The following TMEM59 variants were observed in gnomAD, a reference collection of about 807,000 sequenced individuals.
TMEM59 encodes dendritic cell factor 1.
TMEM59 carries 44 observed loss-of-function variants against 42.2 expected under a neutral mutation model. The ratio of observed to expected loss-of-function variants is 1.04; its 90% CI spans 0.82 to 1.34. The LOEUF is 1.34. TMEM59 is among the 40% of genes most tolerant of loss of function. The probability of loss-of-function intolerance (pLI) is 0.00; values close to 1 mark genes in which losing one functional copy is unlikely to be tolerated. For missense variants in TMEM59, 359 were observed against 382.8 expected (o/e 0.94, Z 0.52); for synonymous variants, 148 against 145.8 (o/e 1.02, Z -0.11).
chr1:54,053,252 T>C (rs1301666857), upstream of TMEM59: 1 of 1,576,634 alleles, frequency 6.3e-7, no homozygotes, highest in African/African-American at 1.3e-5. Context: ...TTCCTCCTCC[T>C]CCTGGGGCCA....
chr1:54,037,505 G>T (rs1656992135), intron 6 of TMEM59, among the ~76,000 whole-genome samples: 1 of 152,182 alleles, frequency 6.6e-6, no homozygotes, highest in Admixed American at 6.5e-5. Flanking sequence ...GACCTATTAA[G>T]ATTCAAAGAA....
rs1187881107 is a variant in TMEM59, at chr1:54,032,131, T to C, written c.*19A>G. 2 of 1,602,192 alleles carry C rather than the reference T, an allele frequency of 1.2e-6. No homozygotes were observed. The highest frequency in any genetic ancestry group is 1.7e-6 in the Non-Finnish European group (2 of 1,174,774). ...GAATTTTAGATGTCTATTACACTTG[T>C]CTTTTAAAAGAAAAATGCTTAAATT... On this transcript the variant is annotated 3_prime_UTR_variant, in exon 8 of 8. Transcript: ENST00000234831.
rs1656956263 is a variant in TMEM59, at chr1:54,036,578, C to T, written c.816+32G>A. ...GTGTTTAAAATGATATATCACAGGG[C>T]TCAGTCTTCAAATGGTAAGAATTAA... On this transcript the variant is annotated intron_variant, in intron 7 of 7. Coordinates refer to ENST00000234831, the MANE Select transcript of TMEM59 (RefSeq NM_004872.5). 7 of 1,443,404 alleles carry T rather than the reference C, an allele frequency of 4.8e-6. No individual in the cohort carries two copies. The South Asian group carries it at 5.2e-5, about 11-fold the overall frequency. The allele number at this position is 1,443,404 out of a possible 1,614,324, so 89.4% of individuals were successfully genotyped here.
At chr1:54,036,201 A>C (rs1335439418) in intron 7 of TMEM59, among the ~76,000 whole-genome samples, 1 of 151,968 alleles carries the variant, frequency 6.6e-6, no homozygotes. Context: ...GAATCACTTG[A>C]ACCTAGGAAG....
intron 1 of TMEM59, chr1:54,048,609 TA>T: frequency 1.8e-5 from 7 of 392,562 alleles, no homozygotes; most frequent in Middle Eastern, 3.6e-4. Context: ...TAAAAGTATT[TA>T]AAAAAAGCTA....
intron 7 of TMEM59, 98 bp downstream of exon 7, chr1:54,036,512 T>G: frequency 1.2e-6 from 1 of 832,024 alleles, no homozygotes; most frequent in South Asian, 2.3e-5. Flanking sequence ...TCTCTCTTTC[T>G]ATTAGTAGAA....
chr1:54,039,523 T>C (rs941810571), intron 6 of TMEM59, among the ~76,000 whole-genome samples: 3 of 152,244 alleles, frequency 2.0e-5, no homozygotes, highest in Admixed American at 6.5e-5. Context: ...TAATCCTTGT[T>C]TTCTCACATA....
intron 1 of TMEM59, 37 bp downstream of exon 1, chr1:54,052,963 A>C: frequency 6.3e-7 from 1 of 1,578,390 alleles, no homozygotes; most frequent in Non-Finnish European, 8.6e-7. Flanking sequence ...AATGGGCTGC[A>C]AGGGAAGGGT....
intron 1 of TMEM59, among the ~76,000 whole-genome samples, chr1:54,050,515 C>A (rs909448402): frequency 2.0e-5 from 3 of 150,884 alleles, no homozygotes; most frequent in African/African-American, 4.9e-5. Flanking sequence ...TCCTGGAGCA[C>A]AAAGCACAGA....
At chr1:54,043,181 G>C (rs944520267) in intron 4 of TMEM59, among the ~76,000 whole-genome samples, 192 bp downstream of exon 4, 8 of 152,136 alleles carry the variant, frequency 5.3e-5, no homozygotes, top group African/African-American at 1.7e-4. Flanking sequence ...TTTAGATTAG[G>C]CTTCTAACGG....
intron 7 of TMEM59, chr1:54,034,410 C>T (rs1158520303): frequency 2.0e-5 from 3 of 152,178 alleles, no homozygotes; most frequent in Non-Finnish European, 4.4e-5. Context: ...GGACGGTTGC[C>T]TCAGGGGAAC....
chr1:54,037,722 G>A (rs1168639523), intron 6 of TMEM59, among the ~76,000 whole-genome samples: 1 of 152,202 alleles, frequency 6.6e-6, no homozygotes, highest in Non-Finnish European at 1.5e-5. Flanking sequence ...CAGCAAAAGA[G>A]GTGGACTTTG....
At chr1:54,038,161 GT>G (rs1657016276) in intron 6 of TMEM59, among the ~76,000 whole-genome samples, 1 of 151,874 alleles carries the variant, frequency 6.6e-6, no homozygotes, top group Non-Finnish European at 1.5e-5. Context: ...CTCTATTCCT[GT>G]TTTCCCAGTT....
chr1:54,049,095 T>C (rs1286992953), intron 1 of TMEM59, among the ~76,000 whole-genome samples: 4 of 152,186 alleles, frequency 2.6e-5, no homozygotes, highest in African/African-American at 9.6e-5. Flanking sequence ...CTTTAATAAG[T>C]CATCCAGTAC....
intron 1 of TMEM59, 77 bp downstream of exon 1, chr1:54,052,923 C>T (rs1360973589): frequency 6.6e-5 from 99 of 1,505,764 alleles, no homozygotes; most frequent in Non-Finnish European, 8.8e-5. Flanking sequence ...GCCAGGTTGC[C>T]AGAGCCGACA....
intron 6 of TMEM59, among the ~76,000 whole-genome samples, chr1:54,038,779 A>G (rs774507354): frequency 9.9e-5 from 15 of 152,218 alleles, no homozygotes; most frequent in Non-Finnish European, 2.1e-4. Flanking sequence ...CCACCTACTT[A>G]TCACAGGGTA....
At position 54,041,744 on chromosome 1, in the gene TMEM59, G is replaced by A; in HGVS notation, c.605C>T (p.Ser202Leu). 6.2e-7 allele frequency: 1 copy of A among 1,613,666 alleles called. No homozygotes were observed. Among genetic ancestry groups the A allele is most frequent in the African/African-American group, 1.3e-5 (1 of 75,032 alleles). Residue 202 changes from serine (S) to leucine (L), a missense_variant, in exon 5 of 8, where the codon TCA becomes TTA. By Grantham distance (145) the Ser-to-Leu change is moderately radical (BLOSUM62 -2). Coordinates refer to ENST00000234831, the MANE Select transcript of TMEM59 (RefSeq NM_004872.5). ...LEQEPTNLRE[S>L]SLSKMSYLQM... The stretch of plus-strand genomic sequence containing the variant: ...CTTACAGGACATTTTGCTTAGAGAT[G>A]ATTCTCTCAAATTTGTAGGCTCCTG...
chr1:54,043,687 G>T (rs961322910), intron 3 of TMEM59, 162 bp from the exon 4 acceptor site: 31 of 361,222 alleles, frequency 8.6e-5, no homozygotes, highest in Non-Finnish European at 6.9e-5. Context: ...AGTTATCTAT[G>T]CACATTATGG....
intron 5 of TMEM59, 101 bp downstream of exon 5, chr1:54,041,623 C>T (rs540025750): frequency 1.1e-6 from 1 of 879,932 alleles, no homozygotes; most frequent in African/African-American, 1.7e-5. Flanking sequence ...TAGAAATTAT[C>T]TGTTTATGTT....
Sources: allele counts gnomAD v4.1 joint callset (sites outside exome capture counted in the v4.1 genomes callset), GRCh38; gene constraint gnomAD v4.1.1; transcripts MANE v1.5; gene names NCBI Gene and HGNC (gene_info 2026-07-23, HGNC 2026-07-21).